DARS1: variants seen among roughly 807,000 people sequenced by gnomAD.
The protein encoded by DARS1 is aspartate--tRNA ligase, cytoplasmic.
DARS1 carries 51 observed loss-of-function variants against 68.8 expected under a neutral mutation model. The ratio of observed to expected loss-of-function variants is 0.74; its 90% CI spans 0.59 to 0.94. DARS1 has a LOEUF of 0.94. Among genes scored for constraint, DARS1 ranks in the 40% least tolerant of loss-of-function variants. DARS1 has a pLI of 0.00. For synonymous variants in DARS1, 203 were observed against 190.4 expected, an observed-to-expected ratio of 1.07 and a Z score of -0.55; for missense variants, 607 against 597.3, an observed-to-expected ratio of 1.02 and a Z score of -0.17.
At chr2:135,973,833 G>A (rs535521147) in intron 3 of DARS1, among the ~76,000 whole-genome samples, 1 of 152,058 alleles carries the variant, frequency 6.6e-6, no homozygotes, top group African/African-American at 2.4e-5. Context: ...ACGGCTGCAC[G>A]CCAGCCTGGG....
chr2:135,910,046 T>C (rs977570412), intron 15 of DARS1, among the ~76,000 whole-genome samples: 4 of 152,194 alleles, frequency 2.6e-5, no homozygotes, highest in Non-Finnish European at 5.9e-5. Context: ...CAATCTATAC[T>C]TTCTTTATCC....
intron 3 of DARS1, among the ~76,000 whole-genome samples, chr2:135,971,158 C>T (rs1471686149): frequency 2.0e-5 from 3 of 152,116 alleles, no homozygotes. Flanking sequence ...CTACAGACCA[C>T]TATCTCTGAT....
intron 2 of DARS1, among the ~76,000 whole-genome samples, chr2:135,982,624 T>C (rs1575410907): frequency 6.7e-6 from 1 of 149,252 alleles, no homozygotes; most frequent in Admixed American, 6.7e-5. Flanking sequence ...AATATAAAGA[T>C]GCCAACATAC....
rs74777619 is a variant in DARS1 at position 135,983,931 on chromosome 2, T to C, written c.67-477A>G. 3.2e-3 allele frequency among the ~76,000 whole-genome samples: 483 copies of C among 152,332 alleles called. 3 individuals are homozygous for C. The highest frequency in any genetic ancestry group is 0.028 in the South Asian group (134 of 4,830). On this transcript the variant is annotated intron_variant, in intron 1 of 15. Transcript: ENST00000264161. ...CCAGATGTCCACAGTTTTTAGAAAC[T>C]GGAGATGCTGGGTATAAGCTAACTA...
At chr2:135,976,251 A>G (rs1434899001) in intron 3 of DARS1, among the ~76,000 whole-genome samples, 1 of 152,224 alleles carries the variant, frequency 6.6e-6, no homozygotes, top group African/African-American at 2.4e-5. Flanking sequence ...TTGGGAGCAG[A>G]ACAAGTGAAT....
At chr2:135,963,375 T>C (rs1214590270) in intron 3 of DARS1, among the ~76,000 whole-genome samples, 1 of 136,670 alleles carries the variant, frequency 7.3e-6, no homozygotes, top group Non-Finnish European at 1.5e-5. Flanking sequence ...TATTAATGAC[T>C]TTTTTTTTTT....
At chr2:135,953,782 C>A (rs1681901126) in intron 4 of DARS1, among the ~76,000 whole-genome samples, 1 of 152,076 alleles carries the variant, frequency 6.6e-6, no homozygotes, top group African/African-American at 2.4e-5. Context: ...AAGAGACAAA[C>A]TCATTAGTGT....
chr2:135,956,157 T>C (rs1164651167), intron 4 of DARS1, among the ~76,000 whole-genome samples: 1 of 152,134 alleles, frequency 6.6e-6, no homozygotes, highest in Admixed American at 6.5e-5. Context: ...AGTCACATGG[T>C]TGTGTCAGGG....
intron 5 of DARS1, among the ~76,000 whole-genome samples, chr2:135,941,607 TTCA>T: frequency 6.6e-6 from 1 of 151,318 alleles, no homozygotes; most frequent in South Asian, 2.1e-4. Context: ...GGGCAAGGAC[TTCA>T]TGTCTAAAAC....
chr2:135,924,292 T>C lies in DARS1; in HGVS notation c.676+95A>G, dbSNP rs1681167177. On this transcript the variant is annotated intron_variant, in intron 8 of 15. Transcript: ENST00000264161. ...CATGGCAATAAACCTTAATGGACAC[T>C]TGGGATTCTCAAGTTAAAAATTTTA... is the stretch of plus-strand genomic sequence containing the variant. 2.2e-6 allele frequency: 3 copies of C among 1,342,182 alleles called. No homozygotes were observed. In the East Asian group the frequency reaches 8.3e-5, roughly 37 times the overall value. The allele number at this position is 1,342,182 out of a possible 1,614,324, so 83.1% of individuals were successfully genotyped here.
In DARS1 at chr2:135,943,181, A is replaced by T. The variant is rs191435194; in HGVS notation, c.423+197T>A. 1.1e-4 allele frequency: 76 copies of T among 706,498 alleles called. No homozygotes were observed. In the African/African-American group the frequency reaches 1.3e-3, roughly 12 times the overall value. 43.8% of individuals were successfully genotyped at this position (706,498 alleles called of 1,614,324 possible). A position where few individuals can be genotyped will look rare whatever the true frequency, so the allele number is the denominator to read the frequency against. On this transcript the variant is annotated intron_variant, in intron 5 of 15. Transcript: ENST00000264161. Reference sequence around the variant, plus strand: ...TCAGTTGGGTGCATCACAGAATTGTAAGCAAATAAATGTTTGTTGTTTCAA... The same window carrying T: ...TCAGTTGGGTGCATCACAGAATTGTTAGCAAATAAATGTTTGTTGTTTCAA...
rs1459583333 is a variant in DARS1 at position 135,985,499 on chromosome 2, C to T, written c.-31G>A. The stretch of plus-strand genomic sequence containing the variant: ...CACGGAACTGGGCAGTGGACACCAC[C>T]CTCCCTCGCAGGCTTCCGTAAGGCA... On this transcript the variant is annotated 5_prime_UTR_variant, in exon 1 of 16. Transcript: ENST00000264161. The T allele has an allele frequency of 7.4e-6, 12 of 1,613,996 alleles. No homozygotes were observed. Among genetic ancestry groups the T allele is most frequent in the East Asian group, 2.2e-5 (1 of 44,860 alleles).
intron 3 of DARS1, among the ~76,000 whole-genome samples, chr2:135,967,287 C>T (rs1383983230): frequency 1.3e-5 from 2 of 152,172 alleles, no homozygotes; most frequent in East Asian, 3.8e-4. Context: ...CCACTTATTG[C>T]TTCCCCTGAA....
Position 135,965,509 on chromosome 2 carries a change from A to G in DARS1, c.218-4011T>C, listed in dbSNP as rs375427850. Among the ~76,000 whole-genome samples the G allele has an allele frequency of 1.7e-4, 26 of 152,336 alleles. 1 individual carries two copies. The highest frequency in any genetic ancestry group is 9.6e-4 in the East Asian group (5 of 5,190). On this transcript the variant is annotated intron_variant, in intron 3 of 15. Transcript: ENST00000264161. Reference sequence around the variant, plus strand: ...GCAAGTAATGCAAGTTGAAGCAAACAACGACAGATTATTTACCTCTCAAAT... The same window carrying G: ...GCAAGTAATGCAAGTTGAAGCAAACGACGACAGATTATTTACCTCTCAAAT...
At chr2:135,924,590 C>A (rs1681175510) in intron 7 of DARS1, 92 bp from the exon 8 acceptor site, 13 of 1,468,712 alleles carry the variant, frequency 8.9e-6, no homozygotes, top group Non-Finnish European at 1.1e-5. Flanking sequence ...CCTAACAATT[C>A]TTGCTTTCAA....
chr2:135,957,892 A>T (rs1045508617), intron 4 of DARS1, among the ~76,000 whole-genome samples: 2 of 152,240 alleles, frequency 1.3e-5, no homozygotes, highest in Admixed American at 1.3e-4. Context: ...TTAAATAAAA[A>T]CAAAATTCAA....
intron 2 of DARS1, chr2:135,980,431 C>T (rs1682600106): frequency 6.6e-6 from 1 of 152,008 alleles, no homozygotes; most frequent in Non-Finnish European, 1.5e-5. Context: ...TATGTCTTAC[C>T]GAATTTTTCT....
intron 10 of DARS1, 27 bp from the exon 11 acceptor site, chr2:135,916,399 A>T (rs1681006198): frequency 1.5e-6 from 2 of 1,371,172 alleles, no homozygotes; most frequent in South Asian, 1.2e-5. Flanking sequence ...TTAGTTAATA[A>T]AATGTATGAG....
At chr2:135,944,129 C>T (rs1681666863) in intron 4 of DARS1, among the ~76,000 whole-genome samples, 2 of 152,094 alleles carry the variant, frequency 1.3e-5, no homozygotes, top group African/African-American at 2.4e-5. Flanking sequence ...GAATTCTGAA[C>T]ACCAGACACT....
Sources: gnomAD v4.1 joint callset for allele counts (sites outside exome capture counted in the v4.1 genomes callset) on GRCh38, gnomAD v4.1.1 for gene constraint, MANE v1.5 for transcripts, NCBI Gene and HGNC (gene_info 2026-07-23, HGNC 2026-07-21) for gene names.